The following IMMP2L variants were observed in gnomAD, a reference collection of about 807,000 sequenced individuals.
The protein encoded by IMMP2L is inner mitochondrial membrane peptidase subunit 2, also known as mitochondrial inner membrane protease subunit 2.
A neutral mutation model predicts 19.3 loss-of-function variants in IMMP2L; 18 were observed. That is an observed-to-expected ratio of 0.93 (90% CI 0.64 to 1.38). The LOEUF is 1.38. IMMP2L is among the 40% of genes most tolerant of loss of function. IMMP2L has a pLI of 0.00. For missense variants in IMMP2L, 233 were observed against 218.2 expected (o/e 1.07, Z -0.43); for synonymous variants, 76 against 73.0 (o/e 1.04, Z -0.21).
chr7:111,003,387 A>C (rs2129561656), intron 3 of IMMP2L, among the ~76,000 whole-genome samples: 1 of 152,322 alleles, frequency 6.6e-6, no homozygotes, highest in South Asian at 2.1e-4. Flanking sequence ...TATCATCAAA[A>C]TATCCCTGCT....
chr7:111,237,530 T>C (rs1814478551), intron 3 of IMMP2L, among the ~76,000 whole-genome samples: 1 of 151,962 alleles, frequency 6.6e-6, no homozygotes, highest in African/African-American at 2.4e-5. Context: ...ATATTAATGG[T>C]TAATATTAAT....
intron 2 of IMMP2L, among the ~76,000 whole-genome samples, chr7:111,491,522 T>C (rs1426146613): frequency 1.2e-4 from 18 of 152,142 alleles, no homozygotes; most frequent in Admixed American, 1.2e-3. Flanking sequence ...GTCTGTACTC[T>C]CTACCCCCAG....
At chr7:111,445,325 C>G (rs984516184) in intron 3 of IMMP2L, among the ~76,000 whole-genome samples, 1 of 151,928 alleles carries the variant, frequency 6.6e-6, no homozygotes, top group Non-Finnish European at 1.5e-5. Flanking sequence ...GACCAGCTCC[C>G]CAAGTCAGAA....
chr7:111,205,455 A>T (rs1308485626), intron 3 of IMMP2L, among the ~76,000 whole-genome samples: 2 of 152,174 alleles, frequency 1.3e-5, no homozygotes, highest in African/African-American at 4.8e-5. Flanking sequence ...AGATTGTCAC[A>T]GAGCCAATTT....
intron 5 of IMMP2L, among the ~76,000 whole-genome samples, chr7:110,825,625 G>T (rs779071374): frequency 4.6e-5 from 7 of 152,124 alleles, no homozygotes; most frequent in Non-Finnish European, 8.8e-5. Context: ...AGGAAAACTG[G>T]CTAGTCATAT....
At chr7:111,146,393 CCTCT>C in intron 3 of IMMP2L, among the ~76,000 whole-genome samples, 1 of 152,088 alleles carries the variant, frequency 6.6e-6, no homozygotes, top group East Asian at 1.9e-4. Flanking sequence ...CTTCTCAAAT[CCTCT>C]CTCTAATCCA....
chr7:110,948,870 G>T (rs922618111), intron 4 of IMMP2L, among the ~76,000 whole-genome samples: 4 of 152,124 alleles, frequency 2.6e-5, no homozygotes, highest in Non-Finnish European at 5.9e-5. Context: ...CAATGAGCTG[G>T]GGGCTTGGAT....
chr7:110,920,472 T>C (rs746576495), intron 4 of IMMP2L, among the ~76,000 whole-genome samples: 3 of 152,216 alleles, frequency 2.0e-5, no homozygotes, highest in Non-Finnish European at 2.9e-5. Flanking sequence ...GAAGAGCTAA[T>C]GCTTTAAAGT....
intron 5 of IMMP2L, among the ~76,000 whole-genome samples, chr7:110,844,856 C>G (rs571820062): frequency 6.6e-6 from 1 of 151,792 alleles, no homozygotes; most frequent in Non-Finnish European, 1.5e-5. Context: ...TCACAGGGTT[C>G]CATTACATGT....
chr7:110,836,139 A>G (rs1205960274), intron 5 of IMMP2L, among the ~76,000 whole-genome samples: 1 of 152,168 alleles, frequency 6.6e-6, no homozygotes, highest in African/African-American at 2.4e-5. Flanking sequence ...GGTGGAATGA[A>G]ATCTCTGTAA....
chr7:110,797,195 A>T (rs1219323292), intron 5 of IMMP2L, among the ~76,000 whole-genome samples: 1 of 148,082 alleles, frequency 6.8e-6, no homozygotes, highest in Non-Finnish European at 1.5e-5. Flanking sequence ...CTCAGAAAAT[A>T]AAAAAAAAAT....
chr7:111,266,217 T>C (rs1197601161), intron 3 of IMMP2L, among the ~76,000 whole-genome samples: 7 of 152,070 alleles, frequency 4.6e-5, no homozygotes, highest in Non-Finnish European at 8.8e-5. Context: ...TGAATGAATA[T>C]AAAAATGACT....
At chr7:111,137,567 AAGCAG>A (rs1802470572) in intron 3 of IMMP2L, among the ~76,000 whole-genome samples, 1 of 152,198 alleles carries the variant, frequency 6.6e-6, no homozygotes, top group East Asian at 1.9e-4. Context: ...ATAAGCCAAG[AAGCAG>A]AGCAAAGATA....
intron 3 of IMMP2L, among the ~76,000 whole-genome samples, chr7:111,311,064 C>T (rs1458630684): frequency 6.6e-6 from 1 of 152,112 alleles, no homozygotes; most frequent in Non-Finnish European, 1.5e-5. Flanking sequence ...GATTTGCTCT[C>T]CTGGATGGGA....
At chr7:111,254,340 T>A (rs185638736) in intron 3 of IMMP2L, among the ~76,000 whole-genome samples, 1 of 152,124 alleles carries the variant, frequency 6.6e-6, no homozygotes. Context: ...AGTCTTTGAA[T>A]ATATGCAAAT....
intron 3 of IMMP2L, among the ~76,000 whole-genome samples, chr7:111,257,116 A>T (rs1816776967): frequency 6.6e-6 from 1 of 152,166 alleles, no homozygotes; most frequent in Non-Finnish European, 1.5e-5. Flanking sequence ...AAGTTTTCTC[A>T]GATTCTAAAA....
At chr7:110,712,080 G>A in intron 5 of IMMP2L, among the ~76,000 whole-genome samples, 1 of 54,148 alleles carries the variant, frequency 1.8e-5, no homozygotes, top group Non-Finnish European at 4.5e-5. Flanking sequence ...GAGGAGGAGA[G>A]GCGCTCTGCG....
intron 3 of IMMP2L, among the ~76,000 whole-genome samples, chr7:111,437,007 T>C (rs1474907344): frequency 6.6e-6 from 1 of 151,734 alleles, no homozygotes; most frequent in Non-Finnish European, 1.5e-5. Flanking sequence ...TCATTAGGGA[T>C]CCGCCCCCAT....
chr7:110,684,460 C>T (rs563320157), intron 5 of IMMP2L, among the ~76,000 whole-genome samples: 2 of 151,938 alleles, frequency 1.3e-5, no homozygotes, highest in Non-Finnish European at 2.9e-5. Flanking sequence ...ACTCCACTGA[C>T]TCAGATAGTT....
Sources: allele counts gnomAD v4.1 joint callset (sites outside exome capture counted in the v4.1 genomes callset), GRCh38; gene constraint gnomAD v4.1.1; transcripts MANE v1.5; gene names NCBI Gene and HGNC (gene_info 2026-07-23, HGNC 2026-07-21).